The following AOX1 variants were observed in gnomAD, a reference collection of about 807,000 sequenced individuals.
AOX1 encodes the protein aldehyde oxidase.
AOX1 carries 153 observed loss-of-function variants against 169.5 expected under a neutral mutation model. That is an observed-to-expected ratio of 0.90 (90% CI 0.79 to 1.03). AOX1 has a LOEUF of 1.03. Ranked by LOEUF, AOX1 falls within the 50% of genes least tolerant of loss-of-function variation. AOX1 has a pLI of 0.00. For missense variants in AOX1, 1,656 were observed against 1,663.9 expected, an observed-to-expected ratio of 1.00 and a Z score of 0.08; for synonymous variants, 562 against 581.9, an observed-to-expected ratio of 0.97 and a Z score of 0.49.
At position 200,656,936 on chromosome 2, in the gene AOX1, A is replaced by T. The variant is rs770463781; in HGVS notation, c.3170A>T (p.Gln1057Leu). Residue 1057 changes from glutamine (Q) to leucine (L), a missense_variant and splice_region_variant, in exon 27 of 35, where the codon CAG becomes CTG. Gln to Leu is a moderately radical substitution (Grantham distance 113). Coordinates refer to ENST00000374700, the MANE Select transcript of AOX1 (RefSeq NM_001159.4). ...MGQGVHTKMI[Q>L]VVSRELRMPM... ...CAGGGGGTCCACACTAAAATGATTC[A>T]GGTAAGAATGCAAATAACTCGATTG... is the stretch of plus-strand genomic sequence containing the variant. 5.8e-6 allele frequency: 9 copies of T among 1,563,562 alleles called. No homozygotes were observed.
At chr2:200,590,479 C>T (rs934229092) in intron 1 of AOX1, among the ~76,000 whole-genome samples, 1 of 152,124 alleles carries the variant, frequency 6.6e-6, no homozygotes, top group Non-Finnish European at 1.5e-5. Context: ...CCTAACCTCC[C>T]TGTATCATTC....
At chr2:200,673,087 G>A (rs899710463), downstream of AOX1, among the ~76,000 whole-genome samples, 5 of 152,148 alleles carry the variant, frequency 3.3e-5, no homozygotes, top group African/African-American at 9.7e-5. Flanking sequence ...GATGCAGGTC[G>A]TGGGAGGGCA....
chr2:200,654,233 A>AC (rs2035638906), intron 26 of AOX1, among the ~76,000 whole-genome samples: 1 of 141,272 alleles, frequency 7.1e-6, no homozygotes. Flanking sequence ...AAAAAAAAAA[A>AC]CAGAAAAGAA....
intron 25 of AOX1, 96 bp from the exon 26 acceptor site, chr2:200,650,878 A>G (rs2035565537): frequency 1.8e-6 from 2 of 1,142,066 alleles, no homozygotes; most frequent in East Asian, 2.5e-5. Flanking sequence ...CTTGGACCTT[A>G]CAGGATGGGC....
At chr2:200,588,532 T>C (rs993756613) in intron 1 of AOX1, among the ~76,000 whole-genome samples, 6 of 152,126 alleles carry the variant, frequency 3.9e-5, no homozygotes, top group Non-Finnish European at 7.4e-5. Context: ...ACTCACTTTG[T>C]CTATGGGCCA....
At position 200,620,633 on chromosome 2, in the gene AOX1, G is replaced by A. The variant is rs201867614; in HGVS notation, c.1705-17G>A. 28 of 1,490,938 alleles carry A rather than the reference G, an allele frequency of 1.9e-5. 1 individual carries two copies. The South Asian group carries it at 3.9e-4, about 21-fold the overall frequency. 92.4% of individuals were successfully genotyped at this position (1,490,938 alleles called of 1,614,324 possible). On this transcript the variant is annotated splice_polypyrimidine_tract_variant and intron_variant, in intron 16 of 34. Transcript: ENST00000374700. Reference sequence around the variant, plus strand: ...CTATAGAAATGTAAAAGTATATTTTGGTTATTTATTAAACAGAATATAGGC... The same window carrying A: ...CTATAGAAATGTAAAAGTATATTTTAGTTATTTATTAAACAGAATATAGGC...
intron 19 of AOX1, among the ~76,000 whole-genome samples, chr2:200,626,283 C>A (rs2035002917): frequency 6.6e-6 from 1 of 152,186 alleles, no homozygotes; most frequent in East Asian, 1.9e-4. Flanking sequence ...AACAAACCAA[C>A]CCAGTTTTTG....
rs201551790 is a variant in AOX1 at position 200,638,313 on chromosome 2, G to C, written c.2568+11G>C. 8 of 1,610,688 alleles carry C rather than the reference G, an allele frequency of 5.0e-6. No individual in the cohort carries two copies. Among genetic ancestry groups the C allele is most frequent in the African/African-American group, 1.3e-5 (1 of 74,986 alleles). ...CTTGGAAAGTACAAAGTGAGTACAAGAGGGCATGGAGGAAGGATTTATGTT... is the reference window on the plus strand; with the variant it reads ...CTTGGAAAGTACAAAGTGAGTACAACAGGGCATGGAGGAAGGATTTATGTT... On this transcript the variant is annotated intron_variant, in intron 23 of 34. Coordinates refer to ENST00000374700, the MANE Select transcript of AOX1 (RefSeq NM_001159.4).
intron 10 of AOX1, among the ~76,000 whole-genome samples, chr2:200,606,744 A>G (rs1383015390): frequency 6.6e-6 from 1 of 152,088 alleles, no homozygotes; most frequent in East Asian, 1.9e-4. Context: ...CTTTGTAGCA[A>G]TTGTGAATGG....
At chr2:200,639,196 G>A (rs993552853) in intron 23 of AOX1, among the ~76,000 whole-genome samples, 15 of 152,230 alleles carry the variant, frequency 9.9e-5, no homozygotes, top group African/African-American at 3.4e-4. Flanking sequence ...ATCACAGAAA[G>A]TTTTATTGGG....
chr2:200,611,397 G>A lies in AOX1; in HGVS notation c.1167G>A (p.Gln389=), dbSNP rs765633818. The A allele has an allele frequency of 3.7e-6, 6 of 1,612,858 alleles. No homozygotes were observed. Among genetic ancestry groups the A allele is most frequent in the Middle Eastern group, 1.7e-4 (1 of 6,054 alleles). The change falls in exon 13 of 35, where the codon CAG becomes CAA. Residue 389 remains glutamine (Q), a synonymous_variant. Transcript: ENST00000374700. ...LNLLSKEGKR[Q]IPLNEQFLSK... Reference sequence around the variant, plus strand: ...TTCTTTCCACAGAAGGAAAACGACAGATTCCTTTAAATGAGCAATTCCTCA... The same window carrying A: ...TTCTTTCCACAGAAGGAAAACGACAAATTCCTTTAAATGAGCAATTCCTCA...
chr2:200,661,575 A>G lies in AOX1; in HGVS notation c.3376-4A>G. The G allele has an allele frequency of 6.2e-7, 1 of 1,612,674 alleles. No individual in the cohort carries two copies. On this transcript the variant is annotated splice_polypyrimidine_tract_variant and splice_region_variant and intron_variant, in intron 29 of 34. Coordinates refer to ENST00000374700, the MANE Select transcript of AOX1 (RefSeq NM_001159.4). ...TTGCATCATGCTATGCTCTTCCTTC[A>G]CAGGCACAGACTGCTTTTGATGAAA... is the stretch of plus-strand genomic sequence containing the variant.
chr2:200,668,786 A>G lies in AOX1; in HGVS notation c.3781A>G (p.Thr1261Ala). 6.2e-7 allele frequency: 1 copy of G among 1,613,654 alleles called. No homozygotes were observed. The highest frequency in any genetic ancestry group is 1.7e-5 in the Admixed American group (1 of 59,948). ...ALLPPSQNSN[T>A]LYSSKGLGES... ...GTTGCCTCCTTCTCAAAACTCAAAT[A>G]CTCTTTATTCATCTAAGGTAAGTAA... The change falls in exon 33 of 35, where the codon ACT becomes GCT. Residue 1261 changes from threonine (T) to alanine (A), a missense_variant. Transcript: ENST00000374700.
chr2:200,586,637 A>C (rs1227507633), intron 1 of AOX1, among the ~76,000 whole-genome samples: 1 of 152,180 alleles, frequency 6.6e-6, no homozygotes, highest in Non-Finnish European at 1.5e-5. Flanking sequence ...GACCGTAGAG[A>C]CGAACACATT....
intron 3 of AOX1, among the ~76,000 whole-genome samples, chr2:200,597,161 G>A (rs893974737): frequency 3.3e-5 from 5 of 152,160 alleles, no homozygotes; most frequent in South Asian, 2.1e-4. Context: ...ATTAGGAGGC[G>A]TAATTTTAAT....
chr2:200,593,518 A>G (rs1294641483), intron 2 of AOX1, among the ~76,000 whole-genome samples: 2 of 152,196 alleles, frequency 1.3e-5, no homozygotes, highest in East Asian at 3.8e-4. Flanking sequence ...GTCCTTAAGG[A>G]CTAATTATTA....
At chr2:200,678,071 G>T (rs1016085444), downstream of AOX1, among the ~76,000 whole-genome samples, 7 of 152,130 alleles carry the variant, frequency 4.6e-5, no homozygotes, top group African/African-American at 9.7e-5. Flanking sequence ...CCAAAGTTTG[G>T]TTTTTTTCTA....
At chr2:200,592,398 AG>A (rs1209977855) in intron 1 of AOX1, among the ~76,000 whole-genome samples, 3 of 152,240 alleles carry the variant, frequency 2.0e-5, no homozygotes, top group Non-Finnish European at 2.9e-5. Context: ...GAAATGGCAA[AG>A]CAAGTCATGC....
chr2:200,655,507 T>C lies in AOX1; in HGVS notation c.3076-1335T>C, dbSNP rs561491075. Among the ~76,000 whole-genome samples, 10 of 152,286 alleles carry C rather than the reference T, an allele frequency of 6.6e-5. No individual in the cohort carries two copies. In the East Asian group the frequency reaches 1.3e-3, roughly 21 times the overall value. On this transcript the variant is annotated intron_variant, in intron 26 of 34. Transcript: ENST00000374700. ...TCTTCCCAAGGTCCTTGGGTGTCAT[T>C]ATCATGGCTACTATGCCTTCCTCAA...
Sources: gnomAD v4.1 joint callset for allele counts (sites outside exome capture counted in the v4.1 genomes callset) on GRCh38, gnomAD v4.1.1 for gene constraint, MANE v1.5 for transcripts, NCBI Gene and HGNC (gene_info 2026-07-23, HGNC 2026-07-21) for gene names.